SLC4A5: variants seen among roughly 807,000 people sequenced by gnomAD.
SLC4A5 encodes solute carrier family 4 member 5.
Under a neutral mutation model 120.4 loss-of-function variants are expected in SLC4A5, and 96 were observed. The observed-to-expected ratio is 0.80, with a 90% CI of 0.68 to 0.94. SLC4A5 has a LOEUF of 0.94. SLC4A5 is among the 40% of genes least tolerant of loss of function. SLC4A5 has a pLI of 0.00. For synonymous variants in SLC4A5, 550 were observed against 571.1 expected (o/e 0.96, Z 0.53); for missense variants, 1,259 against 1,459.5 (o/e 0.86, Z 2.24).
chr2:74,301,319 C>T (rs1343158312), intron 7 of SLC4A5, among the ~76,000 whole-genome samples: 1 of 152,170 alleles, frequency 6.6e-6, no homozygotes, highest in African/African-American at 2.4e-5. Flanking sequence ...TGCCATTATT[C>T]TGTAAGGCAG....
chr2:74,278,910 A>T (rs1671725818), intron 8 of SLC4A5, among the ~76,000 whole-genome samples: 1 of 152,232 alleles, frequency 6.6e-6, no homozygotes, highest in Non-Finnish European at 1.5e-5. Flanking sequence ...CATGTATACC[A>T]GCCATCTGCA....
intron 19 of SLC4A5, 83 bp downstream of exon 19, chr2:74,246,953 G>A: frequency 1.3e-6 from 2 of 1,535,626 alleles, no homozygotes; most frequent in Non-Finnish European, 1.8e-6. Context: ...CTCCCCAGCA[G>A]TAGAAGTAGA....
At chr2:74,250,228 C>CTTG in intron 17 of SLC4A5, 115 bp downstream of exon 17, 1 of 1,001,674 alleles carries the variant, frequency 1.0e-6, no homozygotes, top group South Asian at 1.6e-5. Flanking sequence ...TAGTGATGGC[C>CTTG]TCAACCTGGA....
At chr2:74,334,702 ACTCAAC>A (rs1673441088) in intron 3 of SLC4A5, among the ~76,000 whole-genome samples, 2 of 151,668 alleles carry the variant, frequency 1.3e-5, no homozygotes, top group Non-Finnish European at 2.9e-5. Flanking sequence ...CCAAATCCTG[ACTCAAC>A]TAACTGTGGC....
intron 11 of SLC4A5, 111 bp downstream of exon 11, chr2:74,262,026 G>T: frequency 1.0e-6 from 1 of 969,434 alleles, no homozygotes. Flanking sequence ...CATGCCCTGA[G>T]AATTCTTGGC....
intron 8 of SLC4A5, among the ~76,000 whole-genome samples, chr2:74,270,165 C>T (rs139267795): frequency 0.014 from 2,085 of 152,304 alleles, 37 homozygotes; most frequent in Middle Eastern, 0.054. Flanking sequence ...CTAGGGACAC[C>T]GCTCTAGTCC....
At chr2:74,262,218 G>C in exon 11 of SLC4A5, 1 of 1,561,158 alleles carries the variant, frequency 6.4e-7, no homozygotes, top group Non-Finnish European at 8.7e-7. Context: ...CCAGGGCTCC[G>C]GGCAGGACTG....
At chr2:74,275,079 C>T (rs1178479904) in intron 8 of SLC4A5, among the ~76,000 whole-genome samples, 1 of 152,180 alleles carries the variant, frequency 6.6e-6, no homozygotes. Context: ...GGCCTAGGAA[C>T]CTCCGCTGAG....
intron 28 of SLC4A5, among the ~76,000 whole-genome samples, chr2:74,224,016 C>T (rs1194983713): frequency 6.6e-6 from 1 of 152,214 alleles, no homozygotes; most frequent in Non-Finnish European, 1.5e-5. Flanking sequence ...ATGGCACAGG[C>T]AGCTTAGCAT....
intron 3 of SLC4A5, among the ~76,000 whole-genome samples, chr2:74,336,927 G>C (rs1441550007): frequency 1.3e-5 from 2 of 152,156 alleles, no homozygotes; most frequent in African/African-American, 4.8e-5. Flanking sequence ...AGAAAGAAGA[G>C]GTAAGGAGCC....
intron 5 of SLC4A5, among the ~76,000 whole-genome samples, chr2:74,326,899 C>A (rs1313401320): frequency 6.6e-6 from 1 of 152,110 alleles, no homozygotes; most frequent in Admixed American, 6.5e-5. Flanking sequence ...AGACTGCATG[C>A]CCAAAGCAGC....
chr2:74,299,299 T>G (rs1284417701), intron 7 of SLC4A5, among the ~76,000 whole-genome samples: 1 of 152,178 alleles, frequency 6.6e-6, no homozygotes, highest in African/African-American at 2.4e-5. Flanking sequence ...TGCGGTGAGC[T>G]GAGATTGCGC....
At chr2:74,279,025 G>A (rs534653762) in intron 8 of SLC4A5, among the ~76,000 whole-genome samples, 29 of 152,266 alleles carry the variant, frequency 1.9e-4, no homozygotes, top group East Asian at 9.6e-4. Flanking sequence ...GCCCAGGGCC[G>A]CCTTGCTCCA....
intron 6 of SLC4A5, among the ~76,000 whole-genome samples, chr2:74,311,024 TGTGA>T (rs1672790478): frequency 6.6e-6 from 1 of 152,002 alleles, no homozygotes; most frequent in Non-Finnish European, 1.5e-5. Flanking sequence ...ATTTCTCCTG[TGTGA>T]GTTTTAGTAG....
At chr2:74,226,787 C>T (rs1694854706) in intron 27 of SLC4A5, among the ~76,000 whole-genome samples, 170 bp downstream of exon 27, 1 of 152,188 alleles carries the variant, frequency 6.6e-6, no homozygotes, top group Non-Finnish European at 1.5e-5. Context: ...ACCATCTGGC[C>T]TGGACTCACA....
chr2:74,302,041 C>T (rs1672487611), intron 7 of SLC4A5, among the ~76,000 whole-genome samples: 1 of 151,848 alleles, frequency 6.6e-6, no homozygotes, highest in Non-Finnish European at 1.5e-5. Flanking sequence ...GGAATAAAAC[C>T]CTAATTAGTT....
exon 26 of SLC4A5, chr2:74,227,820 T>C (rs1028506135): frequency 6.2e-7 from 1 of 1,610,332 alleles, no homozygotes; most frequent in South Asian, 1.1e-5. Flanking sequence ...CTGGATGCCA[T>C]TCAGGGAGGC....
Position 74,247,162 on chromosome 2 carries a change from T to C in SLC4A5, c.1933A>G (p.Ser645Gly). 1 of 1,614,228 alleles carries C rather than the reference T, an allele frequency of 6.2e-7. No individual in the cohort carries two copies. Among genetic ancestry groups the C allele is most frequent in the Non-Finnish European group, 8.5e-7 (1 of 1,180,052 alleles). Residue 645 changes from serine to glycine, a missense_variant, in exon 19 of 31, where the codon AGC (serine) becomes GGC (glycine). Transcript: ENST00000394019. ...ATGGCATCGTAGATGAAGATGAAGC[T>C]GATAAGGGTGGAGAAGCCCTCCTCG...
At chr2:74,341,612 A>G (rs952969880) in intron 2 of SLC4A5, among the ~76,000 whole-genome samples, 4 of 152,204 alleles carry the variant, frequency 2.6e-5, no homozygotes, top group African/African-American at 9.6e-5. Context: ...ACTGCCCCAC[A>G]TCAGGCAGCC....
Sources: gnomAD v4.1 joint callset for allele counts (sites outside exome capture counted in the v4.1 genomes callset) on GRCh38, gnomAD v4.1.1 for gene constraint, MANE v1.5 for transcripts, NCBI Gene and HGNC (gene_info 2026-07-23, HGNC 2026-07-21) for gene names.